The following OR51B5 variants were observed in gnomAD, a reference collection of about 807,000 sequenced individuals.
OR51B5 encodes olfactory receptor family 51 subfamily B member 5, also known as olfactory receptor 51B5.
For synonymous variants in OR51B5, 186 were observed against 144.8 expected (o/e 1.28, Z -2.04); for missense variants, 456 against 374.6 (o/e 1.22, Z -1.79).
Position 5,418,251 on chromosome 11 carries a change from G to A in OR51B5, n.85-71341C>T, listed in dbSNP as rs1289802758. Among the ~76,000 whole-genome samples, 4 of 152,084 alleles carry A rather than the reference G, an allele frequency of 2.6e-5. No homozygotes were observed. The East Asian group carries it at 7.8e-4, about 30-fold the overall frequency. On this transcript the variant is annotated intron_variant and non_coding_transcript_variant, in intron 1 of 4. Transcript: ENST00000415970. ...AGGGGAACATCACACTCTGGGGACTGTTGTGGGGTGCGGGGAGGGGGTAGG... is the reference window on the plus strand; with the variant it reads ...AGGGGAACATCACACTCTGGGGACTATTGTGGGGTGCGGGGAGGGGGTAGG...
upstream of OR51B5, among the ~76,000 whole-genome samples, chr11:5,345,382 A>G (rs147759076): frequency 1.7e-3 from 262 of 152,186 alleles, no homozygotes; most frequent in Non-Finnish European, 2.7e-3. Flanking sequence ...AGAGAAAAAT[A>G]GAAAAACTTA....
intron 1 of OR51B5, among the ~76,000 whole-genome samples, chr11:5,438,363 C>A (rs34593853): frequency 0.69 from 104,853 of 151,632 alleles, 37,847 homozygotes; most frequent in Non-Finnish European, 0.8. Context: ...ACACCCCCCC[C>A]CAGTTATCCA....
chr11:5,377,680 G>C (rs1188700534), intron 1 of OR51B5, among the ~76,000 whole-genome samples: 21 of 152,002 alleles, frequency 1.4e-4, no homozygotes, highest in Non-Finnish European at 2.8e-4. Context: ...GACAAACAGA[G>C]AGCCAAATCA....
rs546640783 is a variant in OR51B5 at position 5,451,748 on chromosome 11, T to C, written n.84+53821A>G. On this transcript the variant is annotated intron_variant and non_coding_transcript_variant, in intron 1 of 4. Coordinates refer to the OR51B5 transcript ENST00000415970. ...AGAACTCTGAGAGCATGGTCCGGTC[T>C]TGCTTTGTTAGAGGTTGGAGAGGAA... 4.0e-4 allele frequency among the ~76,000 whole-genome samples: 61 copies of C among 152,290 alleles called. No individual in the cohort carries two copies. The South Asian group carries it at 0.012, about 31-fold the overall frequency.
At chr11:5,428,580 G>A (rs965388204) in intron 1 of OR51B5, among the ~76,000 whole-genome samples, 1 of 113,636 alleles carries the variant, frequency 8.8e-6, no homozygotes, top group East Asian at 2.0e-4. Flanking sequence ...TTTTATATTA[G>A]AAAGTACATA....
At chr11:5,479,688 CA>C (rs1168634153) in intron 1 of OR51B5, among the ~76,000 whole-genome samples, 1 of 149,726 alleles carries the variant, frequency 6.7e-6, no homozygotes, top group Admixed American at 6.6e-5. Flanking sequence ...AAATGGAAAA[CA>C]AAAAAAGGCA....
rs185185375 is a variant in OR51B5, at chr11:5,465,831, G to A, written n.84+39738C>T. On this transcript the variant is annotated intron_variant and non_coding_transcript_variant, in intron 1 of 4. Coordinates refer to the OR51B5 transcript ENST00000415970. The stretch of plus-strand genomic sequence containing the variant: ...TTCAAGATGGATTAAAGACTTAAAC[G>A]TTAGACCTAAAACCATAAAAACCCT... Among the ~76,000 whole-genome samples the A allele has an allele frequency of 3.2e-3, 485 of 149,798 alleles. 3 individuals are homozygous for A. Among genetic ancestry groups the A allele is most frequent in the African/African-American group, 9.7e-3 (392 of 40,504 alleles).
chr11:5,477,877 C>A (rs4586199), intron 1 of OR51B5, among the ~76,000 whole-genome samples: 1 of 151,904 alleles, frequency 6.6e-6, no homozygotes, highest in Non-Finnish European at 1.5e-5. Context: ...ACGGAGTCTC[C>A]CTGATTGCTA....
intron 1 of OR51B5, among the ~76,000 whole-genome samples, chr11:5,353,016 A>G (rs1849126688): frequency 6.6e-6 from 1 of 151,660 alleles, no homozygotes; most frequent in Non-Finnish European, 1.5e-5. Context: ...CCTGTTATAC[A>G]TAGGAATAAG....
intron 1 of OR51B5, among the ~76,000 whole-genome samples, chr11:5,416,934 G>C (rs1850253660): frequency 6.7e-6 from 1 of 150,162 alleles, no homozygotes; most frequent in South Asian, 2.1e-4. Context: ...CTACTTTAAA[G>C]TTCATATGGA....
rs569275237 is a variant in OR51B5, at chr11:5,425,093, T to A, written n.85-78183A>T. Among the ~76,000 whole-genome samples the A allele has an allele frequency of 6.2e-4, 69 of 111,228 alleles. 3 individuals are homozygous for A. In the South Asian group the frequency reaches 0.016, roughly 26 times the overall value. 73.0% of individuals were successfully genotyped at this position (111,228 alleles called of 152,430 possible). On this transcript the variant is annotated intron_variant and non_coding_transcript_variant, in intron 1 of 4. Transcript: ENST00000415970. Reference sequence around the variant, plus strand: ...TTTTTCTCTGCTAGAGCCTAAAAGTTAGCATTTTTTAATAGAAACATGGGT... The same window carrying A: ...TTTTTCTCTGCTAGAGCCTAAAAGTAAGCATTTTTTAATAGAAACATGGGT...
At chr11:5,389,397 G>A in intron 1 of OR51B5, 2 of 1,610,256 alleles carry the variant, frequency 1.2e-6, no homozygotes, top group Non-Finnish European at 1.7e-6. Context: ...AATCCCCGAG[G>A]AATGTCAGTC....
At chr11:5,342,036 CTGTTGAGA>C (rs1848903219), downstream of OR51B5, among the ~76,000 whole-genome samples, 1 of 152,184 alleles carries the variant, frequency 6.6e-6, no homozygotes. Context: ...ACCAACTAGA[CTGTTGAGA>C]TGATAAGTAA....
intron 1 of OR51B5, chr11:5,389,360 C>T (rs2133727646): frequency 6.9e-6 from 11 of 1,583,714 alleles, no homozygotes; most frequent in Non-Finnish European, 9.5e-6. Context: ...GAATTAATAA[C>T]CAGAAATATC....
intron 1 of OR51B5, chr11:5,385,546 G>C (rs191148260): frequency 6.6e-6 from 1 of 151,960 alleles, no homozygotes; most frequent in African/African-American, 2.4e-5. Flanking sequence ...ACACTGTCAG[G>C]CTCCAGGGGC....
chr11:5,475,197 C>T (rs1185651904), intron 1 of OR51B5, among the ~76,000 whole-genome samples: 1 of 152,158 alleles, frequency 6.6e-6, no homozygotes, highest in African/African-American at 2.4e-5. Flanking sequence ...AATTCATTCT[C>T]CATATTACAT....
intron 1 of OR51B5, among the ~76,000 whole-genome samples, chr11:5,412,013 G>C (rs1325583510): frequency 6.6e-6 from 1 of 152,168 alleles, no homozygotes; most frequent in Non-Finnish European, 1.5e-5. Flanking sequence ...CGGACTCTAA[G>C]ATTAAAAAAC....
chr11:5,346,294 A>G (rs1254497131), upstream of OR51B5: 1 of 152,184 alleles, frequency 6.6e-6, no homozygotes, highest in East Asian at 1.9e-4. Flanking sequence ...GATCTATGGA[A>G]TCACTCTACT....
intron 1 of OR51B5, chr11:5,352,249 GTCT>G (rs765637492): frequency 6.2e-7 from 1 of 1,614,160 alleles, no homozygotes; most frequent in Admixed American, 1.7e-5. Context: ...CTGCATCCTG[GTCT>G]TCTATGTCAC....
Sources: allele counts gnomAD v4.1 joint callset (sites outside exome capture counted in the v4.1 genomes callset), GRCh38; gene constraint gnomAD v4.1.1; transcripts MANE v1.5; gene names NCBI Gene and HGNC (gene_info 2026-07-23, HGNC 2026-07-21).